The following VEPH1 variants were observed in gnomAD, a reference collection of about 807,000 sequenced individuals.
The protein encoded by VEPH1 is ventricular zone expressed PH domain containing 1.
VEPH1 carries 80 observed loss-of-function variants against 85.2 expected under a neutral mutation model. That is an observed-to-expected ratio of 0.94 (90% confidence interval 0.78 to 1.13). VEPH1 has a LOEUF of 1.13. Ranked by LOEUF, VEPH1 falls within the 50% of genes most tolerant of loss-of-function variation. VEPH1 has a pLI of 0.00. For missense variants in VEPH1, 955 were observed against 980.5 expected, an observed-to-expected ratio of 0.97 and a Z score of 0.35; for synonymous variants, 297 against 348.0, an observed-to-expected ratio of 0.85 and a Z score of 1.63.
chr3:157,386,854 T>G (rs1232681974), intron 6 of VEPH1, among the ~76,000 whole-genome samples: 1 of 152,238 alleles, frequency 6.6e-6, no homozygotes, highest in East Asian at 1.9e-4. Context: ...GTTCTATTAA[T>G]GCAAATGTCA....
chr3:157,284,015 A>G (rs537894937), intron 12 of VEPH1, among the ~76,000 whole-genome samples: 2 of 152,334 alleles, frequency 1.3e-5, no homozygotes, highest in African/African-American at 4.8e-5. Flanking sequence ...TAAGACAGGC[A>G]GGTAAGTGGA....
At chr3:157,318,150 A>T (rs188929419) in intron 9 of VEPH1, among the ~76,000 whole-genome samples, 2 of 152,322 alleles carry the variant, frequency 1.3e-5, no homozygotes, top group South Asian at 4.1e-4. Flanking sequence ...AGCCTGCTCA[A>T]TCTGTGGCAG....
intron 11 of VEPH1, among the ~76,000 whole-genome samples, chr3:157,289,885 C>T (rs1456659131): frequency 2.6e-5 from 4 of 152,130 alleles, no homozygotes; most frequent in Admixed American, 2.0e-4. Flanking sequence ...GGCAGACAGA[C>T]CCTAAGGTGA....
At chr3:157,455,932 G>C (rs937676478) in intron 4 of VEPH1, among the ~76,000 whole-genome samples, 1 of 152,052 alleles carries the variant, frequency 6.6e-6, no homozygotes, top group Admixed American at 6.6e-5. Context: ...TATTTCTTTG[G>C]GTATATACCC....
chr3:157,484,483 G>C (rs997387247), intron 2 of VEPH1, among the ~76,000 whole-genome samples: 1 of 152,000 alleles, frequency 6.6e-6, no homozygotes, highest in Non-Finnish European at 1.5e-5. Flanking sequence ...CTTTTAAAAT[G>C]TATACTTCAG....
At chr3:157,421,221 T>C (rs1285467455) in intron 5 of VEPH1, among the ~76,000 whole-genome samples, 1 of 152,186 alleles carries the variant, frequency 6.6e-6, no homozygotes, top group Non-Finnish European at 1.5e-5. Flanking sequence ...CACAGTCTCA[T>C]GGACTAGTCA....
chr3:157,323,077 T>A (rs951428238), intron 9 of VEPH1, among the ~76,000 whole-genome samples: 6 of 152,220 alleles, frequency 3.9e-5, no homozygotes, highest in Non-Finnish European at 8.8e-5. Context: ...GGACCACTTG[T>A]AAAACTTTGA....
At chr3:157,478,720 C>T (rs1229984674) in intron 2 of VEPH1, among the ~76,000 whole-genome samples, 1 of 152,114 alleles carries the variant, frequency 6.6e-6, no homozygotes, top group Non-Finnish European at 1.5e-5. Flanking sequence ...TGATTTCTAA[C>T]TAGAAAAGTT....
At chr3:157,432,703 C>A (rs1168031620) in intron 4 of VEPH1, among the ~76,000 whole-genome samples, 2 of 152,086 alleles carry the variant, frequency 1.3e-5, no homozygotes, top group Non-Finnish European at 2.9e-5. Context: ...TCCCATAGGA[C>A]CTACTTCCTG....
intron 1 of VEPH1, chr3:157,499,825 G>A (rs546160359): frequency 1.3e-5 from 2 of 152,302 alleles, no homozygotes; most frequent in East Asian, 3.9e-4. Flanking sequence ...GAACGGAATG[G>A]CTGTAGGGAG....
chr3:157,435,011 T>G (rs916544173), intron 4 of VEPH1, among the ~76,000 whole-genome samples: 1 of 152,216 alleles, frequency 6.6e-6, no homozygotes, highest in East Asian at 1.9e-4. Context: ...AATATTCTTT[T>G]CAGCTTTGCC....
intron 12 of VEPH1, among the ~76,000 whole-genome samples, chr3:157,269,364 A>C (rs1714187672): frequency 6.6e-6 from 1 of 152,224 alleles, no homozygotes; most frequent in African/African-American, 2.4e-5. Flanking sequence ...CAAGCTGGGA[A>C]GCAAAGACTT....
At chr3:157,364,576 C>A in intron 7 of VEPH1, 64 bp from the exon 8 acceptor site, 1 of 1,438,152 alleles carries the variant, frequency 7.0e-7, no homozygotes, top group Non-Finnish European at 9.6e-7. Context: ...CAGTGTTATT[C>A]TCTATTTAAC....
At chr3:157,387,893 G>A (rs1394334845) in intron 6 of VEPH1, among the ~76,000 whole-genome samples, 3 of 152,160 alleles carry the variant, frequency 2.0e-5, no homozygotes, top group African/African-American at 7.2e-5. Flanking sequence ...ACTGGTCTAT[G>A]TGGAGTCCTA....
At chr3:157,312,966 G>T (rs1720285016) in intron 11 of VEPH1, among the ~76,000 whole-genome samples, 1 of 141,094 alleles carries the variant, frequency 7.1e-6, no homozygotes, top group Non-Finnish European at 1.5e-5. Context: ...GTGCAGTGGC[G>T]CGATCTCGGC....
chr3:157,483,278 G>T (rs1437779831), intron 2 of VEPH1, among the ~76,000 whole-genome samples: 1 of 152,050 alleles, frequency 6.6e-6, no homozygotes, highest in Admixed American at 6.6e-5. Context: ...ATTCCTAGCA[G>T]AAGCAAATAC....
At chr3:157,432,747 C>T (rs1457452705) in intron 4 of VEPH1, among the ~76,000 whole-genome samples, 1 of 152,142 alleles carries the variant, frequency 6.6e-6, no homozygotes. Context: ...CTTGGCTACT[C>T]TATACAAATT....
At chr3:157,443,981 C>T (rs1457034442) in intron 4 of VEPH1, among the ~76,000 whole-genome samples, 1 of 152,174 alleles carries the variant, frequency 6.6e-6, no homozygotes, top group Non-Finnish European at 1.5e-5. Flanking sequence ...CAAGACATGG[C>T]TTAGGAATGT....
intron 9 of VEPH1, among the ~76,000 whole-genome samples, chr3:157,347,354 A>C (rs944271628): frequency 2.0e-5 from 3 of 152,230 alleles, no homozygotes; most frequent in Non-Finnish European, 4.4e-5. Context: ...ATTCAAGGTT[A>C]TTTTTCAAAT....
Sources: gnomAD v4.1 joint callset for allele counts (sites outside exome capture counted in the v4.1 genomes callset) on GRCh38, gnomAD v4.1.1 for gene constraint, MANE v1.5 for transcripts, NCBI Gene and HGNC (gene_info 2026-07-23, HGNC 2026-07-21) for gene names.